Variants in CHL1 observed in about 807,000 individuals in gnomAD.
CHL1 encodes the protein cell adhesion molecule L1 like, also known as neural cell adhesion molecule L1-like protein.
Under a neutral mutation model 141.9 loss-of-function variants are expected in CHL1, and 96 were observed. That is an observed-to-expected ratio of 0.68 (90% CI 0.57 to 0.80). CHL1 has a LOEUF of 0.80. Ranked by LOEUF, CHL1 falls within the 30% of genes least tolerant of loss-of-function variation. The pLI is 0.00. For synonymous variants in CHL1, 613 were observed against 502.2 expected, an observed-to-expected ratio of 1.22 and a Z score of -2.95; for missense variants, 1,820 against 1,457.2, an observed-to-expected ratio of 1.25 and a Z score of -4.05.
At chr3:343,315 A>C (rs1332556526) in intron 8 of CHL1, among the ~76,000 whole-genome samples, 1 of 152,140 alleles carries the variant, frequency 6.6e-6, no homozygotes, top group Admixed American at 6.6e-5. Flanking sequence ...GGTCTCCCAA[A>C]ACGTCTCTTA....
At chr3:197,842 C>T (rs1159333789) in intron 1 of CHL1, 7 of 453,832 alleles carry the variant, frequency 1.5e-5, no homozygotes, top group Non-Finnish European at 2.2e-5. Context: ...ATGGTCCCTT[C>T]TTCCTCTTTG....
intron 1 of CHL1, among the ~76,000 whole-genome samples, chr3:225,979 A>G (rs1701301984): frequency 1.3e-5 from 2 of 151,636 alleles, no homozygotes; most frequent in Admixed American, 1.3e-4. Flanking sequence ...AGTGCACTTC[A>G]GCCCGGGAGA....
chr3:405,967 A>T lies in CHL1; in HGVS notation c.*256A>T. Reference sequence around the variant, plus strand: ...AACACAAAACAAATCCTGCATTTAGATACACCTCAACTAAATCCAAAGTCC... The same window carrying T: ...AACACAAAACAAATCCTGCATTTAGTTACACCTCAACTAAATCCAAAGTCC... On this transcript the variant is annotated 3_prime_UTR_variant, in exon 28 of 28. Coordinates refer to ENST00000256509, the MANE Select transcript of CHL1 (RefSeq NM_006614.4). 5.1e-6 allele frequency: 2 copies of T among 392,506 alleles called. No homozygotes were observed. The highest frequency in any genetic ancestry group is 2.7e-5 in the South Asian group (1 of 37,486). The allele number at this position is 392,506 out of a possible 1,614,324, so 24.3% of individuals were successfully genotyped here. A position where few individuals can be genotyped will look rare whatever the true frequency, so the allele number is the denominator to read the frequency against.
intron 1 of CHL1, among the ~76,000 whole-genome samples, chr3:235,746 A>C (rs1167346933): frequency 1.3e-5 from 2 of 152,214 alleles, no homozygotes; most frequent in Non-Finnish European, 2.9e-5. Flanking sequence ...TTGAGATCTA[A>C]AAGATTATCT....
At chr3:289,700 TATTTAATACATATTG>T (rs1177808125) in intron 2 of CHL1, among the ~76,000 whole-genome samples, 1 of 151,998 alleles carries the variant, frequency 6.6e-6, no homozygotes, top group Non-Finnish European at 1.5e-5. Flanking sequence ...TTAATACATT[TATTTAATACATATTG>T]ATTTAATACA....
At position 349,557 on chromosome 3, in the gene CHL1, G is replaced by T. The variant is rs1214848813; in HGVS notation, c.1033+14G>T. 1 of 1,605,556 alleles carries T rather than the reference G, an allele frequency of 6.2e-7. No individual in the cohort carries two copies. Among genetic ancestry groups the T allele is most frequent in the Admixed American group, 1.7e-5 (1 of 57,864 alleles). On this transcript the variant is annotated intron_variant, in intron 10 of 27. Transcript: ENST00000256509. ...TTATAGTAGAAGGTACCTTTCCCATGTTGGTCTATTTCTCTGCTTTTCAAA... is the reference window on the plus strand; with the variant it reads ...TTATAGTAGAAGGTACCTTTCCCATTTTGGTCTATTTCTCTGCTTTTCAAA...
At position 232,624 on chromosome 3, in the gene CHL1, CTATT is replaced by C. The variant is rs559457966; in HGVS notation, c.-174-11987_-174-11984del. Among the ~76,000 whole-genome samples, 202 of 152,126 alleles carry C rather than the reference CTATT, an allele frequency of 1.3e-3. 1 individual carries two copies. Among genetic ancestry groups the C allele is most frequent in the Non-Finnish European group, 2.0e-3 (139 of 67,988 alleles). ...AGATATTTTTTACAGATCGAAGTTT[CTATT>C]TGCTCATGAGTAGCTATAAAATAAT... is the stretch of plus-strand genomic sequence containing the variant. On this transcript the variant is annotated intron_variant, in intron 1 of 27. Coordinates refer to ENST00000256509, the MANE Select transcript of CHL1 (RefSeq NM_006614.4).
At chr3:399,508 C>T (rs1708950356) in intron 26 of CHL1, among the ~76,000 whole-genome samples, 1 of 152,064 alleles carries the variant, frequency 6.6e-6, no homozygotes, top group South Asian at 2.1e-4. Flanking sequence ...GGCATGGTGG[C>T]AGCTGCCTGT....
intron 5 of CHL1, among the ~76,000 whole-genome samples, chr3:329,650 G>T (rs556327726): frequency 6.6e-6 from 1 of 151,714 alleles, no homozygotes; most frequent in African/African-American, 2.4e-5. Context: ...ACAAATGAAA[G>T]ACAAAAGTAA....
intron 2 of CHL1, among the ~76,000 whole-genome samples, chr3:314,776 G>T (rs888443899): frequency 3.3e-5 from 5 of 152,044 alleles, no homozygotes; most frequent in African/African-American, 7.2e-5. Context: ...AAGGTGCAAG[G>T]CTTCTTGAGG....
chr3:219,071 C>T (rs868475647), intron 1 of CHL1, among the ~76,000 whole-genome samples: 2 of 132,844 alleles, frequency 1.5e-5, no homozygotes, highest in African/African-American at 5.6e-5. Flanking sequence ...ATGGCATGAA[C>T]CCGGGAGGTG....
chr3:390,640 A>C, intron 20 of CHL1, 61 bp from the exon 21 acceptor site: 1 of 987,650 alleles, frequency 1.0e-6, no homozygotes, highest in South Asian at 1.4e-5. Flanking sequence ...ATTTTTGAAA[A>C]GGATCCTAAC....
At chr3:310,196 G>T (rs148399248) in intron 2 of CHL1, among the ~76,000 whole-genome samples, 1 of 152,138 alleles carries the variant, frequency 6.6e-6, no homozygotes, top group Non-Finnish European at 1.5e-5. Context: ...TTGGGAGGTC[G>T]AGGTGGGAGG....
At chr3:404,618 A>G (rs2106439439) in intron 27 of CHL1, among the ~76,000 whole-genome samples, 1 of 152,324 alleles carries the variant, frequency 6.6e-6, no homozygotes, top group East Asian at 1.9e-4. Flanking sequence ...TTAAAATGTA[A>G]CAAACTTGAA....
chr3:306,187 G>C (rs192558107), intron 2 of CHL1, among the ~76,000 whole-genome samples: 1 of 152,148 alleles, frequency 6.6e-6, no homozygotes, highest in Non-Finnish European at 1.5e-5. Flanking sequence ...CACAGGGAAC[G>C]ATCAATCAGT....
At chr3:381,591 G>A (rs1379021415) in intron 16 of CHL1, among the ~76,000 whole-genome samples, 1 of 152,206 alleles carries the variant, frequency 6.6e-6, no homozygotes, top group African/African-American at 2.4e-5. Flanking sequence ...TTGAACTGGA[G>A]TTGGGGCATG....
intron 2 of CHL1, among the ~76,000 whole-genome samples, chr3:319,112 A>G (rs1700354909): frequency 9.1e-6 from 1 of 110,332 alleles, no homozygotes; most frequent in South Asian, 2.5e-4. Context: ...AACACTGAAT[A>G]CACACGGACA....
rs755354971 is a variant in CHL1, at chr3:342,084, T to C, written c.679+2T>C. ...CAATGAAACTAACAGTTAACAGTTGTAAGTCCACATAATTTATCGTTTCAT... is the reference window on the plus strand; with the variant it reads ...CAATGAAACTAACAGTTAACAGTTGCAAGTCCACATAATTTATCGTTTCAT... On this transcript the variant is annotated splice_donor_variant, in intron 7 of 27. Transcript: ENST00000256509. LOFTEE classifies it high-confidence loss of function. 1 of 1,601,130 alleles carries C rather than the reference T, an allele frequency of 6.2e-7. No homozygotes were observed. The highest frequency in any genetic ancestry group is 8.5e-7 in the Non-Finnish European group (1 of 1,169,884).
rs191916072 is a variant in CHL1 at position 389,223 on chromosome 3, G to A, written c.2248-29G>A. On this transcript the variant is annotated intron_variant, in intron 19 of 27. Coordinates refer to ENST00000256509, the MANE Select transcript of CHL1 (RefSeq NM_006614.4). The stretch of plus-strand genomic sequence containing the variant: ...CTCTGAGTCAACACATCTGTGATCA[G>A]ACTAAATGAGTCTTGCCTTCTGTTT... 63 of 1,548,216 alleles carry A rather than the reference G, an allele frequency of 4.1e-5. No homozygotes were observed. In the African/African-American group the frequency reaches 5.8e-4, roughly 14 times the overall value.
Sources: gnomAD v4.1 joint callset for allele counts (sites outside exome capture counted in the v4.1 genomes callset) on GRCh38, gnomAD v4.1.1 for gene constraint, MANE v1.5 for transcripts, NCBI Gene and HGNC (gene_info 2026-07-23, HGNC 2026-07-21) for gene names.